The following ROS1 variants were observed in gnomAD, a reference collection of about 807,000 sequenced individuals.
ROS1 encodes the protein ROS proto-oncogene 1, receptor tyrosine kinase.
Under a neutral mutation model 273.5 loss-of-function variants are expected in ROS1, and 263 were observed. That is an observed-to-expected ratio of 0.96 (90% CI 0.87 to 1.06). The LOEUF (loss-of-function observed/expected upper bound fraction) is 1.06, where lower values mean the gene tolerates loss of function less well. Ranked by LOEUF, ROS1 falls within the 50% of genes least tolerant of loss-of-function variation. The pLI is 0.00. For missense variants in ROS1, 2,833 were observed against 2,751.1 expected, an observed-to-expected ratio of 1.03 and a Z score of -0.67; for synonymous variants, 1,008 against 954.1, an observed-to-expected ratio of 1.06 and a Z score of -1.04.
At chr6:117,410,154 T>C (rs1774787084) in intron 4 of ROS1, among the ~76,000 whole-genome samples, 1 of 152,238 alleles carries the variant, frequency 6.6e-6, no homozygotes, top group Non-Finnish European at 1.5e-5. Context: ...AATGATATTC[T>C]ATTCTATTGT....
chr6:117,413,886 C>A (rs1775125613), intron 4 of ROS1, among the ~76,000 whole-genome samples: 1 of 152,056 alleles, frequency 6.6e-6, no homozygotes, highest in African/African-American at 2.4e-5. Flanking sequence ...AAAGTTGAGG[C>A]AGGAGAATCA....
chr6:117,357,942 T>G lies in ROS1; in HGVS notation c.3701A>C (p.Tyr1234Ser). The G allele has an allele frequency of 6.2e-7, 1 of 1,613,708 alleles. No individual in the cohort carries two copies. The highest frequency in any genetic ancestry group is 8.5e-7 in the Non-Finnish European group (1 of 1,179,726). ...ITIDWISRHL[Y>S]FALKESQNGM... ...ATTTTGTGATTCTTTCAGTGCAAAG[T>G]AGAGGTGCCTTGAAATCCAGTCAAT... Residue 1234 changes from tyrosine to serine, a missense_variant, in exon 25 of 44, where the codon TAC becomes TCC. Transcript: ENST00000368507.
intron 42 of ROS1, among the ~76,000 whole-genome samples, chr6:117,305,575 C>T (rs1382735326): frequency 6.6e-6 from 1 of 152,014 alleles, no homozygotes; most frequent in Non-Finnish European, 1.5e-5. Context: ...CTTTCTGTTC[C>T]ACCATGTAGG....
At position 117,365,055 on chromosome 6, in the gene ROS1, T is replaced by C. The variant is rs1780100118; in HGVS notation, c.3103+5A>G. The C allele has an allele frequency of 1.2e-6, 2 of 1,613,444 alleles. No individual in the cohort carries two copies. Among genetic ancestry groups the C allele is most frequent in the Non-Finnish European group, 1.7e-6 (2 of 1,179,630 alleles). ...AAGAAAAAAGACAGATTTTAACCCC[T>C]GTACCTGTTTCAGGTGCTCGAAGTG... On this transcript the variant is annotated splice_donor_5th_base_variant and intron_variant, in intron 21 of 43. Transcript: ENST00000368507.
Position 117,387,953 on chromosome 6 carries a change from A to G in ROS1, c.1826T>C (p.Val609Ala), listed in dbSNP as rs1582817966. Residue 609 changes from valine (V) to alanine (A), a missense_variant, in exon 14 of 44, where the codon GTA (valine) becomes GCA (alanine). Coordinates refer to ENST00000368507, the MANE Select transcript of ROS1 (RefSeq NM_001378902.1). Reference sequence around the variant, plus strand: ...GACTTCAGGAGGGTCTTGGGTGGATACTTTCACCTCATAGGTCCAGTTCTG... The same window carrying G: ...GACTTCAGGAGGGTCTTGGGTGGATGCTTTCACCTCATAGGTCCAGTTCTG... Reference protein sequence around the residue: ...AWQNWTYEVKVSTQDPPEVTH... With the variant: ...AWQNWTYEVKASTQDPPEVTH... 6.2e-7 allele frequency: 1 copy of G among 1,614,142 alleles called. No individual in the cohort carries two copies. The highest frequency in any genetic ancestry group is 1.1e-5 in the South Asian group (1 of 91,086).
intron 7 of ROS1, among the ~76,000 whole-genome samples, chr6:117,402,393 C>T (rs1231600543): frequency 6.6e-6 from 1 of 152,138 alleles, no homozygotes; most frequent in East Asian, 1.9e-4. Context: ...CTTTACCCCA[C>T]CAGCTCACCA....
At chr6:117,380,142 C>G (rs1301814705) in intron 17 of ROS1, among the ~76,000 whole-genome samples, 2 of 152,046 alleles carry the variant, frequency 1.3e-5, no homozygotes, top group African/African-American at 4.8e-5. Flanking sequence ...GTGCAATCTC[C>G]CTGTAACATA....
intron 11 of ROS1, among the ~76,000 whole-genome samples, chr6:117,393,677 T>A (rs1402894196): frequency 6.6e-6 from 1 of 152,178 alleles, no homozygotes; most frequent in Non-Finnish European, 1.5e-5. Flanking sequence ...TTGAAACATG[T>A]CAAGACTGTG....
At chr6:117,364,328 T>C (rs1266988977) in intron 21 of ROS1, among the ~76,000 whole-genome samples, 3 of 152,220 alleles carry the variant, frequency 2.0e-5, no homozygotes, top group Non-Finnish European at 4.4e-5. Flanking sequence ...TAAATTACTA[T>C]CATTTACCAA....
At position 117,389,435 on chromosome 6, in the gene ROS1, T is replaced by G; in HGVS notation, c.1701A>C (p.Pro567=). Residue 567 remains proline, a synonymous_variant, in exon 13 of 44, where the codon CCA becomes CCC. Transcript: ENST00000368507. The part of the protein sequence containing the change: ...FGSSSQLHPL[P]GRPQELSVLF... The stretch of plus-strand genomic sequence containing the variant: ...GCACCGAAAGCTCCTGCGGGCGGCC[T>G]GGCAGAGGGTGCAGCTGGGAGGATG... The G allele has an allele frequency of 6.2e-7, 1 of 1,614,178 alleles. No individual in the cohort carries two copies. The highest frequency in any genetic ancestry group is 8.5e-7 in the Non-Finnish European group (1 of 1,180,028).
chr6:117,292,285 A>C (rs1640518420), intron 43 of ROS1, among the ~76,000 whole-genome samples: 1 of 152,074 alleles, frequency 6.6e-6, no homozygotes, highest in Non-Finnish European at 1.5e-5. Context: ...TGACTTTTAT[A>C]ATGTATCTTT....
At chr6:117,379,311 A>G in intron 17 of ROS1, 152 bp from the exon 18 acceptor site, 1 of 588,702 alleles carries the variant, frequency 1.7e-6, no homozygotes, top group Non-Finnish European at 3.0e-6. Flanking sequence ...TATAAAACTT[A>G]TATGATTATG....
chr6:117,322,270 T>C (rs492132), intron 35 of ROS1, among the ~76,000 whole-genome samples: 17,452 of 152,098 alleles, frequency 0.11, 1,094 homozygotes, highest in East Asian at 0.18. Context: ...TGAAATGTTC[T>C]CACCACCTCG....
chr6:117,370,616 G>C (rs1398745313), intron 18 of ROS1, among the ~76,000 whole-genome samples: 2 of 151,954 alleles, frequency 1.3e-5, no homozygotes, highest in Non-Finnish European at 2.9e-5. Flanking sequence ...ATGACACGAA[G>C]AACACTAAGA....
intron 1 of ROS1, among the ~76,000 whole-genome samples, chr6:117,420,633 C>A (rs538054640): frequency 1.3e-5 from 2 of 150,708 alleles, no homozygotes; most frequent in South Asian, 2.1e-4. Flanking sequence ...TGGAACAGAG[C>A]AGAATGATCT....
intron 1 of ROS1, among the ~76,000 whole-genome samples, chr6:117,419,981 C>T (rs1388425656): frequency 6.6e-6 from 1 of 152,136 alleles, no homozygotes; most frequent in Non-Finnish European, 1.5e-5. Flanking sequence ...CTTCTCCTCA[C>T]AATTACAATA....
intron 33 of ROS1, among the ~76,000 whole-genome samples, chr6:117,329,121 T>G (rs955105166): frequency 6.6e-6 from 1 of 152,238 alleles, no homozygotes; most frequent in Non-Finnish European, 1.5e-5. Flanking sequence ...TAGAGATTTC[T>G]GAGAATGACG....
chr6:117,389,580 A>G lies in ROS1; in HGVS notation c.1556T>C (p.Leu519Pro). 1 of 1,614,238 alleles carries G rather than the reference A, an allele frequency of 6.2e-7. No individual in the cohort carries two copies. The highest frequency in any genetic ancestry group is 1.1e-5 in the South Asian group (1 of 91,084). The change falls in exon 13 of 44, where the codon CTT becomes CCT. Residue 519 changes from leucine to proline, a missense_variant. Leu to Pro is a moderately conservative substitution (Grantham distance 98, BLOSUM62 -3). Transcript: ENST00000368507. Reference protein sequence around the residue: ...KSFACENNDFLVTDGKVIFQQ... With the variant: ...KSFACENNDFPVTDGKVIFQQ... Reference sequence around the variant, plus strand: ...GAAAATGACCTTGCCATCTGTGACAAGAAAGTCATTGTTTTCACAAGCAAA... The same window carrying G: ...GAAAATGACCTTGCCATCTGTGACAGGAAAGTCATTGTTTTCACAAGCAAA...
At chr6:117,305,830 C>T (rs926123379) in intron 42 of ROS1, among the ~76,000 whole-genome samples, 13 of 152,102 alleles carry the variant, frequency 8.5e-5, no homozygotes, top group Admixed American at 4.6e-4. Flanking sequence ...AGTGTATACT[C>T]GCACCAAGTT....
Sources: allele counts gnomAD v4.1 joint callset (sites outside exome capture counted in the v4.1 genomes callset), GRCh38; gene constraint gnomAD v4.1.1; transcripts MANE v1.5; gene names NCBI Gene and HGNC (gene_info 2026-07-23, HGNC 2026-07-21).